Variants in VCAM1 observed in about 807,000 individuals in gnomAD.
VCAM1 encodes vascular cell adhesion molecule 1.
Under a neutral mutation model 63.8 loss-of-function variants are expected in VCAM1, and 41 were observed. That is an observed-to-expected ratio of 0.64 (90% confidence interval 0.50 to 0.83). The LOEUF is 0.83. VCAM1 is among the 40% of genes least tolerant of loss of function. The pLI, the probability that VCAM1 is intolerant of heterozygous loss-of-function variation, is 0.00. For synonymous variants in VCAM1, 338 were observed against 320.7 expected (o/e 1.05, Z -0.58); for missense variants, 798 against 875.5 (o/e 0.91, Z 1.12).
chr1:100,728,925 G>A (rs904188564), intron 4 of VCAM1, among the ~76,000 whole-genome samples, 182 bp from the exon 5 acceptor site: 10 of 151,944 alleles, frequency 6.6e-5, no homozygotes, highest in African/African-American at 2.2e-4. Context: ...AACTATCGTG[G>A]TTTCATTCTT....
chr1:100,729,832 C>T (rs571172196), intron 5 of VCAM1, among the ~76,000 whole-genome samples: 2 of 152,172 alleles, frequency 1.3e-5, no homozygotes, highest in East Asian at 3.9e-4. Context: ...CAGAAGGAAG[C>T]CAAAATTAAA....
At chr1:100,729,415 T>A (rs1200961551) in intron 5 of VCAM1, 33 bp downstream of exon 5, 5 of 1,509,542 alleles carry the variant, frequency 3.3e-6, no homozygotes, top group Admixed American at 2.2e-5. Flanking sequence ...TACTGTTTTT[T>A]TTTTTCAGTT....
rs758782913 is a variant in VCAM1 at position 100,738,149 on chromosome 1, T to G, written c.2086T>G (p.Ser696Ala). Residue 696 changes from serine (S) to alanine (A), a missense_variant, in exon 9 of 9, where the codon TCT becomes GCT. Ser to Ala is a moderately conservative substitution (Grantham distance 99). Coordinates refer to ENST00000294728, the MANE Select transcript of VCAM1 (RefSeq NM_001078.4). ...AAGAGAAAACAACAAAGACTATTTT[T>G]CTCCTGAGCTTCTCGTGCTCTATTT... ...QGRENNKDYF[S>A]PELLVLYFAS... The G allele has an allele frequency of 5.6e-6, 9 of 1,613,434 alleles. No individual in the cohort carries two copies. In the East Asian group the frequency reaches 2.0e-4, roughly 36 times the overall value.
rs35977905 is a variant in VCAM1 at position 100,729,409 on chromosome 1, GT to G, written c.1204+38del. The G allele has an allele frequency of 5.7e-4, 733 of 1,293,994 alleles. 1 individual carries two copies. Among genetic ancestry groups the G allele is most frequent in the Middle Eastern group, 2.0e-3 (8 of 3,962 alleles). 80.2% of individuals were successfully genotyped at this position (1,293,994 alleles called of 1,614,324 possible). A position where few individuals can be genotyped will look rare whatever the true frequency, so the allele number is the denominator to read the frequency against. On this transcript the variant is annotated intron_variant, in intron 5 of 8. Coordinates refer to ENST00000294728, the MANE Select transcript of VCAM1 (RefSeq NM_001078.4). Reference sequence around the variant, plus strand: ...TAAGTGGTTTTCAGAATTGTTTACTGTTTTTTTTTTTCAGTTCTATTGGAAG... The same window carrying G: ...TAAGTGGTTTTCAGAATTGTTTACTGTTTTTTTTTTCAGTTCTATTGGAAG...
chr1:100,720,465 T>C lies in VCAM1; in HGVS notation c.65-11T>C, dbSNP rs2100821654. The C allele has an allele frequency of 1.9e-6, 3 of 1,601,568 alleles. No individual in the cohort carries two copies. Among genetic ancestry groups the C allele is most frequent in the Non-Finnish European group, 2.6e-6 (3 of 1,172,000 alleles). ...TGGTAAATTTGCTTCTGTCTTTTTT[T>C]GCTTTTGCAGCTCAAGCTTTTAAAA... On this transcript the variant is annotated splice_polypyrimidine_tract_variant and intron_variant, in intron 1 of 8. Transcript: ENST00000294728.
Position 100,729,098 on chromosome 1 carries a change from G to C in VCAM1, c.929-9G>C. On this transcript the variant is annotated splice_polypyrimidine_tract_variant and intron_variant, in intron 4 of 8. Coordinates refer to ENST00000294728, the MANE Select transcript of VCAM1 (RefSeq NM_001078.4). ...GTTCTTTTCATCTTGTTTTCCACCT[G>C]TGTCCCAGAGAAACCATTTACTGTT... The C allele has an allele frequency of 6.6e-7, 1 of 1,507,898 alleles. No homozygotes were observed. The highest frequency in any genetic ancestry group is 8.9e-7 in the Non-Finnish European group (1 of 1,126,468). The allele number at this position is 1,507,898 out of a possible 1,614,324, so 93.4% of individuals were successfully genotyped here.
chr1:100,729,408 T>G (rs1205605441), intron 5 of VCAM1, 26 bp downstream of exon 5: 7 of 1,444,872 alleles, frequency 4.8e-6, no homozygotes, highest in African/African-American at 1.6e-5. Flanking sequence ...AATTGTTTAC[T>G]GTTTTTTTTT....
intron 8 of VCAM1, chr1:100,737,624 T>A (rs1248431555): frequency 6.6e-6 from 1 of 151,706 alleles, no homozygotes; most frequent in East Asian, 1.9e-4. Flanking sequence ...TTGGCAAGAT[T>A]TTTTTTTTCT....
intron 4 of VCAM1, 91 bp downstream of exon 4, chr1:100,724,981 T>G: frequency 6.8e-7 from 1 of 1,480,738 alleles, no homozygotes; most frequent in East Asian, 2.3e-5. Flanking sequence ...ATTGCTTCCC[T>G]TAGTTTCACT....
chr1:100,732,029 C>G (rs77606680), intron 6 of VCAM1, among the ~76,000 whole-genome samples: 5 of 152,140 alleles, frequency 3.3e-5, no homozygotes, highest in African/African-American at 1.2e-4. Flanking sequence ...TTCAATTGGT[C>G]AAAGTGAGTC....
Position 100,729,222 on chromosome 1 carries a change from A to G in VCAM1, c.1044A>G (p.Arg348=). The G allele has an allele frequency of 1.2e-6, 2 of 1,613,586 alleles. No individual in the cohort carries two copies. The highest frequency in any genetic ancestry group is 1.7e-6 in the Non-Finnish European group (2 of 1,179,708). ...MGCESPSFSW[R]TQIDSPLSGK... ...GTGAATCCCCATCTTTCTCCTGGAGAACCCAGATAGACAGCCCTCTGAGCG... is the reference window on the plus strand; with the variant it reads ...GTGAATCCCCATCTTTCTCCTGGAGGACCCAGATAGACAGCCCTCTGAGCG... The change falls in exon 5 of 9, where the codon AGA becomes AGG. Residue 348 remains arginine (R), a synonymous_variant. Coordinates refer to ENST00000294728, the MANE Select transcript of VCAM1 (RefSeq NM_001078.4).
At chr1:100,728,464 C>T (rs550567657) in intron 4 of VCAM1, among the ~76,000 whole-genome samples, 2 of 151,988 alleles carry the variant, frequency 1.3e-5, no homozygotes, top group South Asian at 2.1e-4. Context: ...ATTTTATCAC[C>T]ATATGAGGAT....
At chr1:100,724,998 C>T in intron 4 of VCAM1, 108 bp downstream of exon 4, 1 of 1,376,576 alleles carries the variant, frequency 7.3e-7, no homozygotes. Context: ...CACTGATGAC[C>T]TATCTGATTG....
At chr1:100,729,407 CTG>C in intron 5 of VCAM1, 25 bp downstream of exon 5, 1 of 1,421,506 alleles carries the variant, frequency 7.0e-7, no homozygotes, top group Non-Finnish European at 9.3e-7. Context: ...GAATTGTTTA[CTG>C]TTTTTTTTTT....
In VCAM1 at chr1:100,729,317, CTT is replaced by C. The variant is rs778365368; in HGVS notation, c.1140_1141del (p.Tyr381SerfsTer9). 4 of 1,613,374 alleles carry C rather than the reference CTT, an allele frequency of 2.5e-6. No individual in the cohort carries two copies. The South Asian group carries it at 4.4e-5, about 18-fold the overall frequency. ...CCTGTGAGTTTTGAGAACGAACACT[CTT>C]ATCTGTGCACAGTGACTTGTGGACA... On this transcript the variant is annotated frameshift_variant, in exon 5 of 9. Coordinates refer to ENST00000294728, the MANE Select transcript of VCAM1 (RefSeq NM_001078.4). LOFTEE classifies it high-confidence loss of function.
At chr1:100,737,884 A>G in intron 8 of VCAM1, 1 of 316,260 alleles carries the variant, frequency 3.2e-6, no homozygotes. Flanking sequence ...ATTTGAATCC[A>G]AGTTTGTGGA....
intron 8 of VCAM1, chr1:100,735,965 G>C (rs978542034): frequency 3.9e-5 from 6 of 152,202 alleles, no homozygotes; most frequent in Admixed American, 3.3e-4. Context: ...ATTCTGGACA[G>C]ATTGCAATCT....
chr1:100,720,026 G>A, intron 1 of VCAM1, 102 bp downstream of exon 1: 4 of 1,257,586 alleles, frequency 3.2e-6, no homozygotes, highest in Non-Finnish European at 4.5e-6. Context: ...AAGACACTAG[G>A]ATTTTAAACA....
chr1:100,728,053 A>G (rs570525967), intron 4 of VCAM1, among the ~76,000 whole-genome samples: 3 of 152,122 alleles, frequency 2.0e-5, no homozygotes, highest in African/African-American at 7.2e-5. Context: ...AAGTTGCCCA[A>G]ACACTCCCAG....
Sources: gnomAD v4.1 joint callset for allele counts (sites outside exome capture counted in the v4.1 genomes callset) on GRCh38, gnomAD v4.1.1 for gene constraint, MANE v1.5 for transcripts, NCBI Gene and HGNC (gene_info 2026-07-23, HGNC 2026-07-21) for gene names.